The following SLC24A4 variants were observed in gnomAD, a reference collection of about 807,000 sequenced individuals.
The protein encoded by SLC24A4 is sodium/potassium/calcium exchanger 4.
Under a neutral mutation model 79.0 loss-of-function variants are expected in SLC24A4, and 53 were observed. The observed-to-expected ratio is 0.67, with a 90% CI of 0.54 to 0.84. The LOEUF (loss-of-function observed/expected upper bound fraction) is 0.84, where lower values mean the gene tolerates loss of function less well. Ranked by LOEUF, SLC24A4 falls within the 40% of genes least tolerant of loss-of-function variation. The pLI is 0.00. For missense variants in SLC24A4, 731 were observed against 822.0 expected, an observed-to-expected ratio of 0.89 and a Z score of 1.35; for synonymous variants, 323 against 323.8, an observed-to-expected ratio of 1.00 and a Z score of 0.03.
chr14:92,349,566 T>C (rs1318628807), intron 2 of SLC24A4, among the ~76,000 whole-genome samples: 2 of 152,240 alleles, frequency 1.3e-5, no homozygotes, highest in Non-Finnish European at 2.9e-5. Context: ...ACAGATTTTA[T>C]ATGCCCTTCA....
At chr14:92,463,425 C>T (rs112257215) in intron 12 of SLC24A4, among the ~76,000 whole-genome samples, 28 of 152,212 alleles carry the variant, frequency 1.8e-4, no homozygotes, top group African/African-American at 5.1e-4. Context: ...ACACAGTTCT[C>T]GTCTGTTCCA....
At chr14:92,332,768 C>T (rs1424110078) in intron 2 of SLC24A4, among the ~76,000 whole-genome samples, 2 of 152,192 alleles carry the variant, frequency 1.3e-5, no homozygotes, top group Admixed American at 6.5e-5. Context: ...TTTATTATCA[C>T]TTTTTAATAT....
intron 12 of SLC24A4, among the ~76,000 whole-genome samples, chr14:92,461,153 A>G (rs961387896): frequency 6.6e-6 from 1 of 152,134 alleles, no homozygotes. Flanking sequence ...AGTCTGGGGA[A>G]TCTTGTGAGC....
chr14:92,464,866 C>T (rs1438430868), intron 12 of SLC24A4, among the ~76,000 whole-genome samples: 1 of 152,182 alleles, frequency 6.6e-6, no homozygotes, highest in South Asian at 2.1e-4. Flanking sequence ...ACCCAAGGGC[C>T]GCCAAGAAAC....
At chr14:92,395,875 G>A (rs1286475776) in intron 2 of SLC24A4, among the ~76,000 whole-genome samples, 1 of 152,066 alleles carries the variant, frequency 6.6e-6, no homozygotes, top group African/African-American at 2.4e-5. Context: ...GCCCAGGCTG[G>A]AGTGCAGTGG....
Position 92,439,399 on chromosome 14 carries a change from A to G in SLC24A4, c.383A>G (p.Lys128Arg), listed in dbSNP as rs536931893. The G allele has an allele frequency of 6.2e-7, 1 of 1,612,692 alleles. No homozygotes were observed. The highest frequency in any genetic ancestry group is 1.7e-5 in the Admixed American group (1 of 59,996). ...GACTTCTTTGTTCCGTCTCTAGAGA[A>G]GATCTGTGAGGTATGTGGAAGGGAC... ...CDDFFVPSLEKICERLHLSED... is the reference protein window; with the variant it reads ...CDDFFVPSLERICERLHLSED... Residue 128 changes from lysine (K) to arginine (R), a missense_variant, in exon 4 of 17, where the codon AAG becomes AGG. Lys to Arg is a conservative substitution (Grantham distance 26, BLOSUM62 2). Transcript: ENST00000532405.
chr14:92,366,396 C>G (rs1248599792), intron 2 of SLC24A4, among the ~76,000 whole-genome samples: 1 of 152,172 alleles, frequency 6.6e-6, no homozygotes. Flanking sequence ...GCTCTGGTCC[C>G]CGGCCAGAGG....
At chr14:92,453,073 C>G (rs1893240569) in intron 10 of SLC24A4, 1 of 152,178 alleles carries the variant, frequency 6.6e-6, no homozygotes, top group Admixed American at 6.5e-5. Flanking sequence ...GATCTGGAGT[C>G]AAATGTGAAA....
intron 2 of SLC24A4, among the ~76,000 whole-genome samples, chr14:92,346,237 T>A (rs1461893077): frequency 6.6e-6 from 1 of 152,206 alleles, no homozygotes; most frequent in African/African-American, 2.4e-5. Flanking sequence ...AAGTTCAGAT[T>A]TGATAGCAGA....
intron 2 of SLC24A4, among the ~76,000 whole-genome samples, chr14:92,385,857 T>C (rs1303239045): frequency 6.6e-6 from 1 of 152,320 alleles, no homozygotes; most frequent in Non-Finnish European, 1.5e-5. Flanking sequence ...AATGCTCTTC[T>C]TGAATTTGAT....
intron 13 of SLC24A4, among the ~76,000 whole-genome samples, chr14:92,486,371 G>A (rs1410407417): frequency 6.6e-6 from 1 of 152,160 alleles, no homozygotes; most frequent in African/African-American, 2.4e-5. Context: ...GGCTCAGAGG[G>A]CCTGGGCATG....
At chr14:92,448,379 C>CACACACACACACACAA (rs1491519475) in intron 9 of SLC24A4, among the ~76,000 whole-genome samples, 53 of 148,812 alleles carry the variant, frequency 3.6e-4, no homozygotes, top group Middle Eastern at 3.5e-3. Flanking sequence ...CACACACACA[C>CACACACACACACACAA]AAATCCCTAC....
intron 11 of SLC24A4, among the ~76,000 whole-genome samples, chr14:92,454,419 C>T (rs562596228): frequency 5.3e-5 from 8 of 152,294 alleles, no homozygotes; most frequent in African/African-American, 1.7e-4. Flanking sequence ...GTGGACAGAA[C>T]AACTCCAGAA....
At chr14:92,328,637 G>A (rs962232983) in intron 2 of SLC24A4, among the ~76,000 whole-genome samples, 2 of 152,230 alleles carry the variant, frequency 1.3e-5, no homozygotes, top group Non-Finnish European at 2.9e-5. Flanking sequence ...TTCTAGCACG[G>A]GAAGGTGGTT....
rs115137396 is a variant in SLC24A4, at chr14:92,441,283, G to A, written c.394-806G>A. Among the ~76,000 whole-genome samples the A allele has an allele frequency of 0.013, 1,945 of 152,258 alleles. 40 individuals are homozygous for A. The highest frequency in any genetic ancestry group is 0.044 in the African/African-American group (1,825 of 41,550). ...TTTCAGGCAGACCCTCAGTCTCCACGGTTTCTCCAAACATCCAAAGCCTCC... is the reference window on the plus strand; with the variant it reads ...TTTCAGGCAGACCCTCAGTCTCCACAGTTTCTCCAAACATCCAAAGCCTCC... On this transcript the variant is annotated intron_variant, in intron 4 of 16. Transcript: ENST00000532405. This position sits in a 1 kb window ranked among gnomAD's most constrained non-coding sequence, Gnocchi z 4.6.
intron 2 of SLC24A4, among the ~76,000 whole-genome samples, chr14:92,429,975 A>G (rs1891773885): frequency 6.6e-6 from 1 of 152,216 alleles, no homozygotes. Context: ...CCATCGCAAT[A>G]AGCTTCTCAC....
chr14:92,468,911 TGTGTGTGTG>T (rs1295433486), intron 12 of SLC24A4, among the ~76,000 whole-genome samples: 1 of 101,072 alleles, frequency 9.9e-6, no homozygotes, highest in East Asian at 2.6e-4. Flanking sequence ...TGTGTGTGTG[TGTGTGTGTG>T]TGTGTGTGTG....
chr14:92,446,515 G>A (rs1892806525), intron 8 of SLC24A4, among the ~76,000 whole-genome samples: 1 of 152,140 alleles, frequency 6.6e-6, no homozygotes, highest in African/African-American at 2.4e-5. Flanking sequence ...TGTGCTATGG[G>A]CCCCCAGAAA....
upstream of SLC24A4, among the ~76,000 whole-genome samples, chr14:92,323,019 A>C (rs534194217): frequency 2.6e-5 from 4 of 151,912 alleles, no homozygotes; most frequent in Non-Finnish European, 5.9e-5. This position sits in a 1 kb window ranked among gnomAD's most constrained non-coding sequence, Gnocchi z 4.9. Context: ...TGGTCAGTAG[A>C]GGTCCAACTA....
Sources: allele counts gnomAD v4.1 joint callset (sites outside exome capture counted in the v4.1 genomes callset), GRCh38; gene constraint gnomAD v4.1.1; non-coding constraint Gnocchi (gnomAD v3.1); transcripts MANE v1.5; gene names NCBI Gene and HGNC (gene_info 2026-07-23, HGNC 2026-07-21).